The following NBEAL1 variants were observed in gnomAD, a reference collection of about 807,000 sequenced individuals.
The protein encoded by NBEAL1 is neurobeachin-like protein 1.
A neutral mutation model predicts 351.3 loss-of-function variants in NBEAL1; 273 were observed. That is an observed-to-expected ratio of 0.78 (90% CI 0.70 to 0.86). The LOEUF is 0.86. NBEAL1 is among the 40% of genes least tolerant of loss of function. The pLI is 0.00. For synonymous variants in NBEAL1, 1,050 were observed against 1,086.4 expected (o/e 0.97, Z 0.66); for missense variants, 2,961 against 3,201.3 (o/e 0.92, Z 1.81).
intron 45 of NBEAL1, among the ~76,000 whole-genome samples, chr2:203,189,726 G>T (rs2065011227): frequency 6.6e-6 from 1 of 151,674 alleles, no homozygotes; most frequent in African/African-American, 2.4e-5. Context: ...ACTTTCAATT[G>T]CTTAAAATAT....
intron 51 of NBEAL1, among the ~76,000 whole-genome samples, chr2:203,207,116 T>C (rs1319647076): frequency 1.4e-4 from 21 of 148,912 alleles, no homozygotes; most frequent in African/African-American, 5.2e-4. Flanking sequence ...CCGCCCCGTC[T>C]GAGAAGTGAG....
chr2:203,208,972 A>G (rs1221040389), intron 52 of NBEAL1, among the ~76,000 whole-genome samples, 189 bp from the exon 53 acceptor site: 1 of 152,210 alleles, frequency 6.6e-6, no homozygotes, highest in Non-Finnish European at 1.5e-5. Context: ...GGAAGAGGAC[A>G]TTCTAGGAAA....
intron 26 of NBEAL1, 126 bp downstream of exon 26, chr2:203,132,258 C>T (rs1370606720): frequency 3.2e-6 from 2 of 625,220 alleles, no homozygotes; most frequent in Non-Finnish European, 5.4e-6. Flanking sequence ...TCCTTGGATA[C>T]CATATCTTAC....
chr2:203,057,112 C>T (rs2061416792), intron 5 of NBEAL1, among the ~76,000 whole-genome samples: 2 of 152,086 alleles, frequency 1.3e-5, no homozygotes, highest in South Asian at 4.1e-4. Flanking sequence ...ACATATCCTT[C>T]TTACTGAAAA....
chr2:203,060,520 A>T (rs2106104662), intron 6 of NBEAL1, among the ~76,000 whole-genome samples: 1 of 152,290 alleles, frequency 6.6e-6, no homozygotes, highest in East Asian at 1.9e-4. Flanking sequence ...TCCGTATAGG[A>T]ATACATTTTA....
At chr2:203,091,616 A>T (rs2106187856) in intron 10 of NBEAL1, among the ~76,000 whole-genome samples, 1 of 152,336 alleles carries the variant, frequency 6.6e-6, no homozygotes, top group Middle Eastern at 3.4e-3. Flanking sequence ...ATGTCTACAC[A>T]TCCCTGCCAG....
rs559058623 is a variant in NBEAL1, at chr2:203,048,623, A to G, written c.144-1191A>G. Among the ~76,000 whole-genome samples, 25 of 152,268 alleles carry G rather than the reference A, an allele frequency of 1.6e-4. No homozygotes were observed. In the South Asian group the frequency reaches 5.0e-3, roughly 30 times the overall value. On this transcript the variant is annotated intron_variant, in intron 3 of 55. Coordinates refer to ENST00000683969, the MANE Select transcript of NBEAL1 (RefSeq NM_001378026.1). ...ATTATTTCATGAGGTTGGGTACTTC[A>G]GCGTCCATAGGGAACTTCAAAGGTT...
At chr2:203,141,088 A>T (rs1264782856) in intron 31 of NBEAL1, among the ~76,000 whole-genome samples, 2 of 151,666 alleles carry the variant, frequency 1.3e-5, no homozygotes, top group African/African-American at 4.8e-5. Flanking sequence ...TAGAATGAGG[A>T]TAGCCTTTTT....
intron 45 of NBEAL1, among the ~76,000 whole-genome samples, chr2:203,188,899 G>T (rs2064990184): frequency 6.6e-6 from 1 of 152,138 alleles, no homozygotes; most frequent in Admixed American, 6.6e-5. Flanking sequence ...CAAGGCCTTT[G>T]AAGTTACAAA....
rs762454658 is a variant in NBEAL1, at chr2:203,126,082, T to C, written c.2974T>C (p.Leu992=). Residue 992 remains leucine, a synonymous_variant, in exon 21 of 56, where the codon TTA becomes CTA. Transcript: ENST00000683969. ...CCATGGAGTTGCAACTCTTGGTGCT[T>C]TACTTCAGAAGGTGAGCCAGTCTAA... is the stretch of plus-strand genomic sequence containing the variant. ...HSHGVATLGA[L]LQKVPSTLMD... 8 of 1,543,614 alleles carry C rather than the reference T, an allele frequency of 5.2e-6. No homozygotes were observed. In the South Asian group the frequency reaches 8.6e-5, roughly 17 times the overall value.
At chr2:203,189,506 C>A (rs1439925526) in intron 45 of NBEAL1, among the ~76,000 whole-genome samples, 5 of 152,070 alleles carry the variant, frequency 3.3e-5, no homozygotes, top group Admixed American at 3.3e-4. Context: ...GCTGCCTCAG[C>A]CTCCTGAGTA....
intron 27 of NBEAL1, among the ~76,000 whole-genome samples, chr2:203,134,814 G>A (rs2063160327): frequency 6.6e-6 from 1 of 152,268 alleles, no homozygotes; most frequent in East Asian, 1.9e-4. Flanking sequence ...TTAAAGTTTA[G>A]TTTTTGTTCT....
At chr2:203,054,288 T>C (rs768258960) in intron 4 of NBEAL1, among the ~76,000 whole-genome samples, 1 of 152,028 alleles carries the variant, frequency 6.6e-6, no homozygotes, top group Non-Finnish European at 1.5e-5. Context: ...TAGCTGGGAA[T>C]GGTGCCACAT....
At position 203,166,229 on chromosome 2, in the gene NBEAL1, T is replaced by C; in HGVS notation, c.5795T>C (p.Ile1932Thr). ...DCELITIIDV[I>T]PGRLEITTQH... The stretch of plus-strand genomic sequence containing the variant: ...GAACTCATTACAATAATTGATGTAA[T>C]TCCTGGCAGATTAGAAATCACTACT... The change falls in exon 37 of 56, where the codon ATT becomes ACT. Residue 1932 changes from isoleucine (I) to threonine (T), a missense_variant. Physicochemically the swap from Ile to Thr is moderately conservative, Grantham distance 89. Coordinates refer to ENST00000683969, the MANE Select transcript of NBEAL1 (RefSeq NM_001378026.1). 1 of 1,611,664 alleles carries C rather than the reference T, an allele frequency of 6.2e-7. No individual in the cohort carries two copies. The highest frequency in any genetic ancestry group is 8.5e-7 in the Non-Finnish European group (1 of 1,179,284).
intron 2 of NBEAL1, among the ~76,000 whole-genome samples, chr2:203,026,750 T>A (rs2060865347): frequency 6.6e-6 from 1 of 152,190 alleles, no homozygotes; most frequent in African/African-American, 2.4e-5. Flanking sequence ...CTTGACCTTG[T>A]GATCTGCCTG....
At position 203,217,195 on chromosome 2, in the gene NBEAL1, C is replaced by CT. The variant is rs565600988; in HGVS notation, c.8071-50dup. On this transcript the variant is annotated intron_variant, in intron 55 of 55. Transcript: ENST00000683969. The stretch of plus-strand genomic sequence containing the variant: ...TCTGCAAAATCAGTGTCTTACATAT[C>CT]TTTTTTTTAATTTTTTCTTAATATT... The CT allele has an allele frequency of 8.8e-5, 115 of 1,302,064 alleles. 1 individual carries two copies. The highest frequency in any genetic ancestry group is 3.8e-4 in the East Asian group (14 of 36,624). 80.7% of individuals were successfully genotyped at this position (1,302,064 alleles called of 1,614,324 possible).
At chr2:203,131,689 A>G (rs1192345362) in intron 25 of NBEAL1, among the ~76,000 whole-genome samples, 1 of 152,222 alleles carries the variant, frequency 6.6e-6, no homozygotes, top group Non-Finnish European at 1.5e-5. Context: ...AAAAAATTGC[A>G]ACCTCCGGCA....
chr2:203,032,312 T>G (rs1269398069), intron 2 of NBEAL1, among the ~76,000 whole-genome samples: 2 of 152,090 alleles, frequency 1.3e-5, no homozygotes, highest in African/African-American at 4.8e-5. Context: ...GTTGCTAAAT[T>G]TTAGGGTAAT....
At chr2:203,141,252 T>C (rs1458790308) in intron 31 of NBEAL1, among the ~76,000 whole-genome samples, 2 of 149,186 alleles carry the variant, frequency 1.3e-5, no homozygotes, top group South Asian at 2.1e-4. Flanking sequence ...AAACAAAATG[T>C]GTATTTATTT....
Sources: gnomAD v4.1 joint callset for allele counts (sites outside exome capture counted in the v4.1 genomes callset) on GRCh38, gnomAD v4.1.1 for gene constraint, MANE v1.5 for transcripts, NCBI Gene and HGNC (gene_info 2026-07-23, HGNC 2026-07-21) for gene names.